The following PHF11 variants were observed in gnomAD, a reference collection of about 807,000 sequenced individuals.
PHF11 encodes the protein PHD finger protein 11.
Under a neutral mutation model 40.5 loss-of-function variants are expected in PHF11, and 38 were observed. The ratio of observed to expected loss-of-function variants is 0.94; its 90% CI spans 0.72 to 1.23. The LOEUF (loss-of-function observed/expected upper bound fraction) is 1.23. Ranked by LOEUF, PHF11 falls within the 50% of genes most tolerant of loss-of-function variation. The probability of loss-of-function intolerance (pLI) is 0.00; values close to 1 mark genes in which losing one functional copy is unlikely to be tolerated. For missense variants in PHF11, 369 were observed against 392.4 expected, an observed-to-expected ratio of 0.94 and a Z score of 0.50; for synonymous variants, 127 against 138.2, an observed-to-expected ratio of 0.92 and a Z score of 0.57.
At chr13:49,496,136 G>T in intron 1 of PHF11, 41 bp downstream of exon 1, 1 of 1,088,544 alleles carries the variant, frequency 9.2e-7, no homozygotes, top group Non-Finnish European at 1.2e-6. Context: ...GGCGGGGCTG[G>T]GCAGCGACGG....
chr13:49,501,146 G>A (rs996835788), intron 1 of PHF11, among the ~76,000 whole-genome samples: 54 of 151,478 alleles, frequency 3.6e-4, no homozygotes, highest in African/African-American at 1.2e-3. Flanking sequence ...CCCGAGTAGC[G>A]GGGATTACAG....
chr13:49,506,459 GTAAAAAA>G (rs1958991215), intron 1 of PHF11, among the ~76,000 whole-genome samples, 169 bp from the exon 2 acceptor site: 1 of 152,164 alleles, frequency 6.6e-6, no homozygotes, highest in South Asian at 2.1e-4. Flanking sequence ...TATTAGCATA[GTAAAAAA>G]TAAAAAATAA....
chr13:49,521,028 T>TG (rs1281816373), intron 5 of PHF11, 88 bp downstream of exon 5: 1 of 1,449,800 alleles, frequency 6.9e-7, no homozygotes, highest in Non-Finnish European at 9.3e-7. Flanking sequence ...CTAGCCTCGT[T>TG]GAATTAAAAT....
chr13:49,512,877 G>A (rs918868988), intron 2 of PHF11, among the ~76,000 whole-genome samples, 182 bp from the exon 3 acceptor site: 2 of 152,190 alleles, frequency 1.3e-5, no homozygotes, highest in Non-Finnish European at 2.9e-5. Flanking sequence ...CCGGAAACCA[G>A]GGTCATTCCC....
At chr13:49,515,587 C>T (rs898132594) in intron 3 of PHF11, among the ~76,000 whole-genome samples, 1 of 152,014 alleles carries the variant, frequency 6.6e-6, no homozygotes, top group Non-Finnish European at 1.5e-5. Context: ...CTCTTTTCCT[C>T]GTCAACCTCC....
In PHF11 at chr13:49,506,632, T is replaced by C. The variant is rs200026775; in HGVS notation, c.95-3T>C. 2.0e-5 allele frequency: 32 copies of C among 1,613,108 alleles called. No homozygotes were observed. The highest frequency in any genetic ancestry group is 8.3e-5 in the Admixed American group (5 of 59,978). On this transcript the variant is annotated splice_polypyrimidine_tract_variant and splice_region_variant and intron_variant, in intron 1 of 9. Transcript: ENST00000378319. ...CATTTCTCACCAGGGATATTACTTA[T>C]AGGTGTCTTTCAGGTTGCAGAAAAG...
In PHF11 at chr13:49,528,675, T is replaced by C. The variant is rs1485398763; in HGVS notation, c.*10T>C. Reference sequence around the variant, plus strand: ...ATCCCTGTCTTATTAGGGATTACCGTTTCCTAAGCCAAGAGTCATGTCAAA... The same window carrying C: ...ATCCCTGTCTTATTAGGGATTACCGCTTCCTAAGCCAAGAGTCATGTCAAA... On this transcript the variant is annotated 3_prime_UTR_variant, in exon 10 of 10. Coordinates refer to ENST00000378319, the MANE Select transcript of PHF11 (RefSeq NM_001040443.3). The C allele has an allele frequency of 3.8e-6, 6 of 1,569,918 alleles. No individual in the cohort carries two copies. The African/African-American group carries it at 8.2e-5, about 21-fold the overall frequency.
chr13:49,526,937 C>CGAG (rs1959322695), intron 9 of PHF11, among the ~76,000 whole-genome samples: 2 of 151,600 alleles, frequency 1.3e-5, no homozygotes, highest in African/African-American at 4.9e-5. Context: ...ACCATCCCTC[C>CGAG]GCTTGCCTCC....
chr13:49,502,945 C>T (rs1958930011), intron 1 of PHF11, among the ~76,000 whole-genome samples: 2 of 152,024 alleles, frequency 1.3e-5, no homozygotes, highest in Non-Finnish European at 2.9e-5. Flanking sequence ...AGGATGGTCT[C>T]GATCTCCTGA....
At chr13:49,500,038 G>C (rs1160826569) in intron 1 of PHF11, among the ~76,000 whole-genome samples, 1 of 152,166 alleles carries the variant, frequency 6.6e-6, no homozygotes, top group East Asian at 1.9e-4. Flanking sequence ...ACATTGAAGA[G>C]GGCCTGCAGA....
At chr13:49,508,328 CTATATTCA>C (rs201674350) in intron 2 of PHF11, among the ~76,000 whole-genome samples, 11,649 of 143,448 alleles carry the variant, frequency 0.081, 675 homozygotes, top group East Asian at 0.17. Flanking sequence ...TAATATATTA[CTATATTCA>C]TATATTACTA....
intron 3 of PHF11, among the ~76,000 whole-genome samples, chr13:49,514,613 C>A (rs1959126432): frequency 6.6e-6 from 1 of 151,984 alleles, no homozygotes; most frequent in Non-Finnish European, 1.5e-5. Context: ...AAAAAATTAG[C>A]CCGACACAGT....
chr13:49,503,899 A>T (rs1958942560), intron 1 of PHF11, among the ~76,000 whole-genome samples: 1 of 151,890 alleles, frequency 6.6e-6, no homozygotes, highest in African/African-American at 2.4e-5. Context: ...TACTGGGCTA[A>T]TTTTTTTGTA....
At chr13:49,521,181 T>C (rs1047230428) in intron 5 of PHF11, 1 of 1,153,164 alleles carries the variant, frequency 8.7e-7, no homozygotes, top group Non-Finnish European at 1.1e-6. Flanking sequence ...TCATTCTCCC[T>C]ACGCTCACAG....
rs569730687 is a variant in PHF11, at chr13:49,528,425, T to G, written c.842-86T>G. On this transcript the variant is annotated intron_variant, in intron 9 of 9. Transcript: ENST00000378319. ...GGCACGAGGATTGTGTATCTGTACC[T>G]GCAAGTGAAAGGGGCTAGAAATGGT... 7.1e-5 allele frequency: 67 copies of G among 937,480 alleles called. 1 individual carries two copies. The East Asian group carries it at 1.7e-3, about 23-fold the overall frequency. The allele number at this position is 937,480 out of a possible 1,614,324, so 58.1% of individuals were successfully genotyped here.
At chr13:49,519,763 A>G (rs1959178863) in intron 4 of PHF11, among the ~76,000 whole-genome samples, 1 of 152,090 alleles carries the variant, frequency 6.6e-6, no homozygotes, top group African/African-American at 2.4e-5. Context: ...ACACTGTTTT[A>G]TATGTTTGAA....
chr13:49,497,142 A>G (rs1453648142), intron 1 of PHF11: 1 of 1,289,472 alleles, frequency 7.8e-7, no homozygotes, highest in Non-Finnish European at 1.0e-6. Context: ...AAAACGTCAC[A>G]CGTAAACATC....
chr13:49,527,317 G>C (rs1223005407), intron 9 of PHF11: 1 of 152,164 alleles, frequency 6.6e-6, no homozygotes, highest in African/African-American at 2.4e-5. Context: ...GAGTCAAACA[G>C]CATTGGTGGA....
chr13:49,523,381 G>A, intron 7 of PHF11, 140 bp downstream of exon 7: 3 of 635,458 alleles, frequency 4.7e-6, no homozygotes, highest in South Asian at 1.9e-5. Flanking sequence ...AATCTTTATC[G>A]CAACTGTCCA....
Sources: allele counts gnomAD v4.1 joint callset (sites outside exome capture counted in the v4.1 genomes callset), GRCh38; gene constraint gnomAD v4.1.1; transcripts MANE v1.5; gene names NCBI Gene and HGNC (gene_info 2026-07-23, HGNC 2026-07-21).